PRR7: variants seen among roughly 807,000 people sequenced by gnomAD.
The protein encoded by PRR7 is proline rich 7, synaptic, also known as proline-rich protein 7.
A neutral mutation model predicts 18.5 loss-of-function variants in PRR7; 8 were observed. The ratio of observed to expected loss-of-function variants is 0.43; its 90% CI spans 0.25 to 0.78. The LOEUF is 0.78. Ranked by LOEUF, PRR7 falls within the 30% of genes least tolerant of loss-of-function variation. The probability of loss-of-function intolerance (pLI) is 0.22; values close to 1 mark genes in which losing one functional copy is unlikely to be tolerated. For missense variants in PRR7, 396 were observed against 403.1 expected, an observed-to-expected ratio of 0.98 and a Z score of 0.15; for synonymous variants, 221 against 187.7, an observed-to-expected ratio of 1.18 and a Z score of -1.45.
Position 177,455,590 on chromosome 5 carries a change from C to T in PRR7, c.427+96C>T. ...TTACCCTCAGGGCTTCCATCCGCAGCCTCCGGGAGAACACGGGCGGCGGCG... is the reference window on the plus strand; with the variant it reads ...TTACCCTCAGGGCTTCCATCCGCAGTCTCCGGGAGAACACGGGCGGCGGCG... On this transcript the variant is annotated intron_variant, in intron 3 of 3. Coordinates refer to ENST00000323249, the MANE Select transcript of PRR7 (RefSeq NM_030567.5). This position sits in a 1 kb window ranked among gnomAD's most constrained non-coding sequence, Gnocchi z 6.9. The T allele has an allele frequency of 7.1e-7, 1 of 1,405,276 alleles. No individual in the cohort carries two copies. The highest frequency in any genetic ancestry group is 9.2e-7 in the Non-Finnish European group (1 of 1,083,242). The allele number at this position is 1,405,276 out of a possible 1,614,324, so 87.1% of individuals were successfully genotyped here.
At chr5:177,448,456 C>T (rs904189071) in intron 1 of PRR7, 2 of 152,206 alleles carry the variant, frequency 1.3e-5, no homozygotes, top group African/African-American at 4.8e-5. Flanking sequence ...AAGGGAGGCT[C>T]AGGGAGGTGA....
At position 177,455,188 on chromosome 5, in the gene PRR7, C is replaced by T; in HGVS notation, c.121C>T (p.Arg41Cys). Reference protein sequence around the residue: ...CSFLRRRLKRRQEERLREQNL... With the variant: ...CSFLRRRLKRCQEERLREQNL... ...CTTCCTGCGCCGCCGCCTCAAACGG[C>T]GCCAGGAGGAGCGACTGCGCGAGCA... is the stretch of plus-strand genomic sequence containing the variant. The change falls in exon 3 of 4, where the codon CGC becomes TGC. Residue 41 changes from arginine (R) to cysteine (C), a missense_variant. Physicochemically the swap from Arg to Cys is radical, Grantham distance 180. Transcript: ENST00000323249. The surrounding 1 kb of genome is among the most constrained non-coding windows in gnomAD (Gnocchi z 6.9). 6.4e-7 allele frequency: 1 copy of T among 1,572,930 alleles called. No homozygotes were observed. Among genetic ancestry groups the T allele is most frequent in the Non-Finnish European group, 8.6e-7 (1 of 1,165,428 alleles).
In PRR7 at chr5:177,455,513, C is replaced by T. The variant is rs1561671451; in HGVS notation, c.427+19C>T. ...CGCCAAGGTGAGTACCGACCTCCGC[C>T]AGGGGGCGATCCGGGCCGCCGGAAG... On this transcript the variant is annotated intron_variant, in intron 3 of 3. Coordinates refer to ENST00000323249, the MANE Select transcript of PRR7 (RefSeq NM_030567.5). This position sits in a 1 kb window ranked among gnomAD's most constrained non-coding sequence, Gnocchi z 6.9. The T allele has an allele frequency of 2.0e-6, 3 of 1,464,150 alleles. No individual in the cohort carries two copies. The highest frequency in any genetic ancestry group is 2.7e-6 in the Non-Finnish European group (3 of 1,119,584). The allele number at this position is 1,464,150 out of a possible 1,614,324, so 90.7% of individuals were successfully genotyped here.
In PRR7 at chr5:177,450,553, G is replaced by A. The variant is rs144451648; in HGVS notation, c.-324-3403G>A. 6.6e-6 allele frequency among the ~76,000 whole-genome samples: 1 copy of A among 152,180 alleles called. No homozygotes were observed. Among genetic ancestry groups the A allele is most frequent in the African/African-American group, 2.4e-5 (1 of 41,436 alleles). On this transcript the variant is annotated intron_variant, in intron 1 of 3. Coordinates refer to ENST00000323249, the MANE Select transcript of PRR7 (RefSeq NM_030567.5). The surrounding 1 kb of genome is among the most constrained non-coding windows in gnomAD (Gnocchi z 6.6). ...GACCAACCAGGTAACGAGCCCTCCA[G>A]CATCTCCTTCCATAGGTGGTTCTTG...
rs1290175791 is a variant in PRR7, at chr5:177,455,620, CGGGTTCGGGCTA to C, written c.428-100_428-89del. 5.7e-6 allele frequency: 8 copies of C among 1,399,666 alleles called. No homozygotes were observed. Among genetic ancestry groups the C allele is most frequent in the Non-Finnish European group, 7.4e-6 (8 of 1,076,802 alleles). 86.7% of individuals were successfully genotyped at this position (1,399,666 alleles called of 1,614,324 possible). ...GGGAGAACACGGGCGGCGGCGGGCT[CGGGTTCGGGCTA>C]GGGCTGGGGCGCGGGCGGCCCCTGG... On this transcript the variant is annotated intron_variant, in intron 3 of 3. Coordinates refer to ENST00000323249, the MANE Select transcript of PRR7 (RefSeq NM_030567.5). This position sits in a 1 kb window ranked among gnomAD's most constrained non-coding sequence, Gnocchi z 6.9.
intron 1 of PRR7, among the ~76,000 whole-genome samples, chr5:177,453,462 A>G (rs1756252075): frequency 6.6e-6 from 1 of 152,204 alleles, no homozygotes; most frequent in African/African-American, 2.4e-5. Flanking sequence ...ACGCAGGCCC[A>G]GGAGAAGGGG....
At chr5:177,451,434 C>T (rs111943867) in intron 1 of PRR7, among the ~76,000 whole-genome samples, 1 of 23,408 alleles carries the variant, frequency 4.3e-5, no homozygotes, top group African/African-American at 2.0e-4. Flanking sequence ...TAGCCTGCTT[C>T]GGAGAGTGAG....
chr5:177,456,110 A>G lies in PRR7; in HGVS notation c.814A>G (p.Thr272Ala). The change falls in exon 4 of 4, where the codon ACA (threonine) becomes GCA (alanine). Residue 272 changes from threonine (T) to alanine (A), a missense_variant. This residue lies in a region of PRR7 where 383 missense variants were observed against 372.6 expected (regional missense o/e 1.03). Transcript: ENST00000323249. ...PVSIPLFGRT[T>A]AV The stretch of plus-strand genomic sequence containing the variant: ...CTCCATCCCCTTGTTCGGGAGGACT[A>G]CAGCCGTATAGAGGGGCGCCCGGCG... 1 of 1,487,050 alleles carries G rather than the reference A, an allele frequency of 6.7e-7. No individual in the cohort carries two copies. Among genetic ancestry groups the G allele is most frequent in the Non-Finnish European group, 8.9e-7 (1 of 1,125,548 alleles). 92.1% of individuals were successfully genotyped at this position (1,487,050 alleles called of 1,614,324 possible). A position where few individuals can be genotyped will look rare whatever the true frequency, so the allele number is the denominator to read the frequency against.
chr5:177,451,382 G>A (rs1415566235), intron 1 of PRR7, among the ~76,000 whole-genome samples: 114 of 122,934 alleles, frequency 9.3e-4, no homozygotes, highest in Middle Eastern at 5.5e-3. Context: ...GCCTGCTTCG[G>A]AGAGTGAGTG....
At position 177,453,977 on chromosome 5, in the gene PRR7, C is replaced by G. The variant is rs926422620; in HGVS notation, c.-303C>G. 8 of 152,430 alleles carry G rather than the reference C, an allele frequency of 5.2e-5. No individual in the cohort carries two copies. The highest frequency in any genetic ancestry group is 1.9e-4 in the African/African-American group (8 of 41,592). The allele number at this position is 152,430 out of a possible 1,614,324, so 9.4% of individuals were successfully genotyped here. On this transcript the variant is annotated 5_prime_UTR_variant, in exon 2 of 4. Transcript: ENST00000323249. ...TTAGGGTGCAAGGTTCCCCCTCTCA[C>G]CCGCAGCTGTGGAGAGGAGGAAGCG...
At chr5:177,448,452 G>A (rs1352752443) in intron 1 of PRR7, 2 of 152,248 alleles carry the variant, frequency 1.3e-5, no homozygotes, top group Non-Finnish European at 2.9e-5. Context: ...TCTAAAGGGA[G>A]GCTCAGGGAG....
chr5:177,451,823 A>G (rs2127387630), intron 1 of PRR7, among the ~76,000 whole-genome samples: 1 of 151,692 alleles, frequency 6.6e-6, no homozygotes, highest in African/African-American at 2.4e-5. Context: ...TCGAAGAGTG[A>G]GTGTGGAGCC....
In PRR7 at chr5:177,456,034, A is replaced by C; in HGVS notation, c.738A>C (p.Ser246=). 2 of 1,576,712 alleles carry C rather than the reference A, an allele frequency of 1.3e-6. No homozygotes were observed. The highest frequency in any genetic ancestry group is 1.7e-6 in the Non-Finnish European group (2 of 1,167,350). Residue 246 remains serine, a synonymous_variant, in exon 4 of 4, where the codon TCA becomes TCC. Transcript: ENST00000323249. ...GGGTCTTCCCCAGCTGGACCGACTC[A>C]GAGCTCAGCAGCCGCGAGCCCCTGG... ...GRRVFPSWTD[S]ELSSREPLEH...
At position 177,455,686 on chromosome 5, in the gene PRR7, G is replaced by C; in HGVS notation, c.428-38G>C. 1 of 1,512,634 alleles carries C rather than the reference G, an allele frequency of 6.6e-7. No homozygotes were observed. The highest frequency in any genetic ancestry group is 8.9e-7 in the Non-Finnish European group (1 of 1,126,898). The allele number at this position is 1,512,634 out of a possible 1,614,324, so 93.7% of individuals were successfully genotyped here. On this transcript the variant is annotated intron_variant, in intron 3 of 3. Coordinates refer to ENST00000323249, the MANE Select transcript of PRR7 (RefSeq NM_030567.5). The surrounding 1 kb of genome is among the most constrained non-coding windows in gnomAD (Gnocchi z 6.9). The stretch of plus-strand genomic sequence containing the variant: ...GGGCCTCTGCGAGAGGCTGGGAACC[G>C]GCGGCCTCACCTCCTCCGACCGCCT...
Position 177,455,443 on chromosome 5 carries a change from C to A in PRR7, c.376C>A (p.Pro126Thr). The A allele has an allele frequency of 1.3e-6, 2 of 1,506,304 alleles. No individual in the cohort carries two copies. The highest frequency in any genetic ancestry group is 1.8e-6 in the Non-Finnish European group (2 of 1,135,214). 93.3% of individuals were successfully genotyped at this position (1,506,304 alleles called of 1,614,324 possible). A position where few individuals can be genotyped will look rare whatever the true frequency, so the allele number is the denominator to read the frequency against. ...GCACCACCACGCGCTCCCGCACCCG[C>A]CGCCTACGCACCTGTCGGTGCCGCC... is the stretch of plus-strand genomic sequence containing the variant. ...HPHHHALPHP[P>T]PTHLSVPPRP... Residue 126 changes from proline to threonine, a missense_variant, in exon 3 of 4, where the codon CCG (proline) becomes ACG (threonine). Pro to Thr is a conservative substitution (Grantham distance 38). Transcript: ENST00000323249. This position sits in a 1 kb window ranked among gnomAD's most constrained non-coding sequence, Gnocchi z 6.9.
chr5:177,450,501 G>A lies in PRR7; in HGVS notation c.-324-3455G>A, dbSNP rs1468020770. ...AATTGGACACAGAGCCAGCCCTTGA[G>A]GTACTCCCCCGGTCCCACAGCTAAA... On this transcript the variant is annotated intron_variant, in intron 1 of 3. Transcript: ENST00000323249. The surrounding 1 kb of genome is among the most constrained non-coding windows in gnomAD (Gnocchi z 6.6). Among the ~76,000 whole-genome samples, 1 of 152,198 alleles carries A rather than the reference G, an allele frequency of 6.6e-6. No individual in the cohort carries two copies. Among genetic ancestry groups the A allele is most frequent in the African/African-American group, 2.4e-5 (1 of 41,444 alleles).
Position 177,455,273 on chromosome 5 carries a change from C to T in PRR7, c.206C>T (p.Pro69Leu). ...LELEGSLAGS[P>L]PGLAPPQPPP... Reference sequence around the variant, plus strand: ...CTCGAGGGCAGTCTGGCCGGGAGCCCCCCGGGCCTGGCGCCGCCGCAGCCA... The same window carrying T: ...CTCGAGGGCAGTCTGGCCGGGAGCCTCCCGGGCCTGGCGCCGCCGCAGCCA... Residue 69 changes from proline (P) to leucine (L), a missense_variant, in exon 3 of 4, where the codon CCC becomes CTC. This residue lies in a region of PRR7 where 383 missense variants were observed against 372.6 expected (regional missense o/e 1.03). Coordinates refer to ENST00000323249, the MANE Select transcript of PRR7 (RefSeq NM_030567.5). This position sits in a 1 kb window ranked among gnomAD's most constrained non-coding sequence, Gnocchi z 6.9. 6.6e-7 allele frequency: 1 copy of T among 1,521,910 alleles called. No homozygotes were observed. Among genetic ancestry groups the T allele is most frequent in the Non-Finnish European group, 8.7e-7 (1 of 1,143,354 alleles). 94.3% of individuals were successfully genotyped at this position (1,521,910 alleles called of 1,614,324 possible).
chr5:177,452,427 G>A (rs1756203033), intron 1 of PRR7, among the ~76,000 whole-genome samples: 1 of 152,224 alleles, frequency 6.6e-6, no homozygotes, highest in Non-Finnish European at 1.5e-5. Flanking sequence ...GTCTGGCCTG[G>A]TCAGGTAGAG....
In PRR7 at chr5:177,455,660, G is replaced by C. The variant is rs996143829; in HGVS notation, c.428-64G>C. ...GCTGGGGCGCGGGCGGCCCCTGGCCGGGGCCTCTGCGAGAGGCTGGGAACC... is the reference window on the plus strand; with the variant it reads ...GCTGGGGCGCGGGCGGCCCCTGGCCCGGGCCTCTGCGAGAGGCTGGGAACC... On this transcript the variant is annotated intron_variant, in intron 3 of 3. Transcript: ENST00000323249. This position sits in a 1 kb window ranked among gnomAD's most constrained non-coding sequence, Gnocchi z 6.9. 2.1e-5 allele frequency: 31 copies of C among 1,450,726 alleles called. No homozygotes were observed. Among genetic ancestry groups the C allele is most frequent in the Non-Finnish European group, 2.8e-5 (31 of 1,096,374 alleles). The allele number at this position is 1,450,726 out of a possible 1,614,324, so 89.9% of individuals were successfully genotyped here.
Sources: allele counts gnomAD v4.1 joint callset (sites outside exome capture counted in the v4.1 genomes callset), GRCh38; gene constraint gnomAD v4.1.1; regional missense constraint gnomAD v4.1.1; non-coding constraint Gnocchi (gnomAD v3.1); transcripts MANE v1.5; gene names NCBI Gene and HGNC (gene_info 2026-07-23, HGNC 2026-07-21).